The following PTPRO variants were observed in gnomAD, a reference collection of about 807,000 sequenced individuals.
The protein encoded by PTPRO is receptor-type tyrosine-protein phosphatase O.
Under a neutral mutation model 145.2 loss-of-function variants are expected in PTPRO, and 62 were observed. The observed-to-expected ratio is 0.43, with a 90% CI of 0.35 to 0.53. The LOEUF is 0.53. PTPRO is among the 20% of genes least tolerant of loss of function. PTPRO has a pLI of 0.01. For missense variants in PTPRO, 1,345 were observed against 1,482.7 expected (o/e 0.91, Z 1.53); for synonymous variants, 565 against 514.7 (o/e 1.10, Z -1.32).
rs1444946696 is a variant in PTPRO, at chr12:15,524,884, G to A, written c.1962G>A (p.Gly654=). ...TGTTATATATCAGTTGGACATATGG[G>A]GATGATACAACGGACTTGTCCCATT... ...NSLLYISWTY[G]DDTTDLSHSR... is the part of the protein sequence containing the mutation. Residue 654 remains glycine, a synonymous_variant, in exon 11 of 27, where the codon GGG becomes GGA. Transcript: ENST00000281171. The A allele has an allele frequency of 1.2e-6, 2 of 1,613,260 alleles. No individual in the cohort carries two copies. Among genetic ancestry groups the A allele is most frequent in the Non-Finnish European group, 1.7e-6 (2 of 1,179,352 alleles).
chr12:15,358,899 C>A (rs1312577967), intron 1 of PTPRO, among the ~76,000 whole-genome samples: 5 of 152,196 alleles, frequency 3.3e-5, no homozygotes, highest in South Asian at 2.1e-4. Flanking sequence ...TGTACATGAA[C>A]CTTCCAAAAG....
chr12:15,384,720 A>G (rs1489896602), intron 1 of PTPRO, among the ~76,000 whole-genome samples: 3 of 152,226 alleles, frequency 2.0e-5, no homozygotes, highest in Admixed American at 6.5e-5. Context: ...GCATTTGCAT[A>G]TCACAGAAAA....
At chr12:15,505,724 G>T (rs1472508290) in intron 6 of PTPRO, among the ~76,000 whole-genome samples, 1 of 152,160 alleles carries the variant, frequency 6.6e-6, no homozygotes, top group African/African-American at 2.4e-5. Context: ...GGTGGCTTAC[G>T]TTTGCTCAGC....
intron 1 of PTPRO, among the ~76,000 whole-genome samples, chr12:15,394,925 C>T (rs1218318300): frequency 1.3e-5 from 2 of 152,076 alleles, no homozygotes; most frequent in African/African-American, 4.8e-5. Context: ...GAAAGAAATC[C>T]CACCTAACAG....
At chr12:15,522,777 T>C (rs1942752835) in intron 10 of PTPRO, among the ~76,000 whole-genome samples, 1 of 152,188 alleles carries the variant, frequency 6.6e-6, no homozygotes, top group Non-Finnish European at 1.5e-5. Context: ...AATAGTGACA[T>C]CTTGTGGCCT....
intron 10 of PTPRO, among the ~76,000 whole-genome samples, chr12:15,522,066 G>A (rs1030251135): frequency 1.3e-5 from 2 of 151,908 alleles, no homozygotes; most frequent in Non-Finnish European, 2.9e-5. Flanking sequence ...TGACAGAGAT[G>A]GTCTCAATTT....
At chr12:15,528,732 C>G (rs1351531569) in intron 12 of PTPRO, among the ~76,000 whole-genome samples, 1 of 151,924 alleles carries the variant, frequency 6.6e-6, no homozygotes, top group Non-Finnish European at 1.5e-5. Context: ...GCGTATAATA[C>G]TCAGACTCTC....
At chr12:15,504,166 T>C (rs1942275502) in intron 6 of PTPRO, 97 bp downstream of exon 6, 3 of 1,337,972 alleles carry the variant, frequency 2.2e-6, no homozygotes, top group Admixed American at 1.9e-5. Context: ...TCACAAACCT[T>C]AGGGATGATG....
At chr12:15,396,006 A>C (rs1290983714) in intron 1 of PTPRO, among the ~76,000 whole-genome samples, 1 of 152,192 alleles carries the variant, frequency 6.6e-6, no homozygotes, top group Non-Finnish European at 1.5e-5. Flanking sequence ...TGATGAATGC[A>C]TTTACCACTG....
At chr12:15,455,939 G>A (rs1475847341) in intron 1 of PTPRO, among the ~76,000 whole-genome samples, 4 of 152,134 alleles carry the variant, frequency 2.6e-5, no homozygotes, top group Non-Finnish European at 4.4e-5. Context: ...AAACCACCAT[G>A]GTACGTGTAT....
chr12:15,424,695 T>G (rs547594299), intron 1 of PTPRO, among the ~76,000 whole-genome samples: 1 of 152,118 alleles, frequency 6.6e-6, no homozygotes, highest in African/African-American at 2.4e-5. Flanking sequence ...GAAAAACATC[T>G]GAGCTGAGTC....
Position 15,556,372 on chromosome 12 carries a change from T to C in PTPRO, c.2559-1083T>C, listed in dbSNP as rs58267297. ...AGTAATGTTAAAATCTCTGCTTCAG[T>C]TCTGAGTATTAAATCCATTAATTCC... On this transcript the variant is annotated intron_variant, in intron 15 of 26. Transcript: ENST00000281171. Among the ~76,000 whole-genome samples, 208 of 152,268 alleles carry C rather than the reference T, an allele frequency of 1.4e-3. 2 individuals carry two copies. In the East Asian group the frequency reaches 0.038, roughly 28 times the overall value.
intron 18 of PTPRO, among the ~76,000 whole-genome samples, 200 bp downstream of exon 18, chr12:15,565,828 C>T (rs1054094607): frequency 3.3e-5 from 5 of 152,148 alleles, no homozygotes; most frequent in African/African-American, 1.2e-4. Flanking sequence ...ACAGAAATCA[C>T]ATCAGAAATA....
chr12:15,475,384 C>A (rs1941631378), intron 1 of PTPRO, among the ~76,000 whole-genome samples: 1 of 152,122 alleles, frequency 6.6e-6, no homozygotes, highest in African/African-American at 2.4e-5. Flanking sequence ...TCCCATTATG[C>A]ACCAAACAGT....
At chr12:15,472,336 T>A (rs901577624) in intron 1 of PTPRO, among the ~76,000 whole-genome samples, 4 of 152,222 alleles carry the variant, frequency 2.6e-5, no homozygotes, top group African/African-American at 9.6e-5. Flanking sequence ...ATTATATAAG[T>A]CTTGCTAAAC....
intron 12 of PTPRO, among the ~76,000 whole-genome samples, chr12:15,532,400 C>G (rs1942980517): frequency 6.6e-6 from 1 of 152,124 alleles, no homozygotes; most frequent in Non-Finnish European, 1.5e-5. Flanking sequence ...TGGATTTTCT[C>G]TGGTATGACA....
At chr12:15,464,861 T>C (rs1406522329) in intron 1 of PTPRO, among the ~76,000 whole-genome samples, 2 of 152,174 alleles carry the variant, frequency 1.3e-5, no homozygotes, top group South Asian at 2.1e-4. Context: ...AAGAATTCTA[T>C]GAAAATTTTC....
intron 1 of PTPRO, among the ~76,000 whole-genome samples, chr12:15,424,342 T>C (rs541229033): frequency 6.6e-6 from 1 of 152,276 alleles, no homozygotes. Context: ...TATTTGAAAA[T>C]GTTATGTTGA....
chr12:15,527,436 G>A (rs1205917034), intron 12 of PTPRO, among the ~76,000 whole-genome samples: 1 of 152,198 alleles, frequency 6.6e-6, no homozygotes, highest in Non-Finnish European at 1.5e-5. Flanking sequence ...TGCCTGAAGG[G>A]AGAAATAGCT....
Sources: allele counts gnomAD v4.1 joint callset (sites outside exome capture counted in the v4.1 genomes callset), GRCh38; gene constraint gnomAD v4.1.1; transcripts MANE v1.5; gene names NCBI Gene and HGNC (gene_info 2026-07-23, HGNC 2026-07-21).